Variants in CA10 observed in about 807,000 individuals in gnomAD.
CA10 encodes the protein carbonic anhydrase 10 (inactive).
A neutral mutation model predicts 44.2 loss-of-function variants in CA10; 14 were observed. The ratio of observed to expected loss-of-function variants is 0.32; its 90% CI spans 0.21 to 0.50. The LOEUF is 0.50. CA10 is among the 20% of genes least tolerant of loss of function. The probability of loss-of-function intolerance (pLI) is 0.99; values close to 1 mark genes in which losing one functional copy is unlikely to be tolerated. For missense variants in CA10, 350 were observed against 409.7 expected (o/e 0.85, Z 1.26); for synonymous variants, 159 against 141.6 (o/e 1.12, Z -0.87).
chr17:51,724,992 G>A (rs2143541783), intron 4 of CA10, among the ~76,000 whole-genome samples: 1 of 152,316 alleles, frequency 6.6e-6, no homozygotes, highest in East Asian at 1.9e-4. Flanking sequence ...GTCCTCAACA[G>A]TCACCATATG....
intron 1 of CA10, among the ~76,000 whole-genome samples, chr17:52,088,938 TGTCAATAAAATGCTTTCATCATG>T: frequency 6.6e-6 from 1 of 152,352 alleles, no homozygotes; most frequent in East Asian, 1.9e-4. Context: ...TATACAAATC[TGTCAATAAAATGCTTTCATCATG>T]GTGGCCAGGT....
chr17:51,945,908 A>G (rs906257643), intron 2 of CA10, among the ~76,000 whole-genome samples: 2 of 152,132 alleles, frequency 1.3e-5, no homozygotes, highest in Admixed American at 6.6e-5. Context: ...GAAAGGTGGG[A>G]ATGATGATAG....
intron 1 of CA10, among the ~76,000 whole-genome samples, chr17:52,080,450 T>G (rs1987942285): frequency 7.9e-6 from 1 of 127,376 alleles, no homozygotes; most frequent in South Asian, 2.5e-4. Flanking sequence ...AGACTCCATC[T>G]CAAAAATAAA....
intron 4 of CA10, among the ~76,000 whole-genome samples, chr17:51,717,758 CGTATAT>C (rs1916190028): frequency 5.4e-5 from 1 of 18,444 alleles, no homozygotes; most frequent in African/African-American, 2.0e-4. Flanking sequence ...TGTATATATA[CGTATAT>C]ATGTATACAT....
chr17:51,749,472 G>A (rs537203184), intron 3 of CA10, among the ~76,000 whole-genome samples: 2 of 152,314 alleles, frequency 1.3e-5, no homozygotes, highest in African/African-American at 4.8e-5. Flanking sequence ...CCGTCTAGAC[G>A]GGCTACTCTG....
chr17:51,671,228 C>T (rs989413783), intron 4 of CA10, among the ~76,000 whole-genome samples: 1 of 152,088 alleles, frequency 6.6e-6, no homozygotes, highest in Non-Finnish European at 1.5e-5. Flanking sequence ...ATGCTATCTC[C>T]TTCCCACCTT....
At chr17:52,093,751 G>A (rs1367568766) in intron 1 of CA10, among the ~76,000 whole-genome samples, 1 of 152,118 alleles carries the variant, frequency 6.6e-6, no homozygotes, top group Non-Finnish European at 1.5e-5. Context: ...GCAGTAGAAT[G>A]GAAAAGAGGG....
intron 4 of CA10, among the ~76,000 whole-genome samples, chr17:51,707,740 T>C (rs1440616498): frequency 1.3e-5 from 2 of 149,506 alleles, no homozygotes; most frequent in Non-Finnish European, 3.0e-5. Flanking sequence ...GAAAATGGAA[T>C]CCCTTCTGGA....
chr17:51,654,099 GCAC>G (rs777136639), intron 4 of CA10, among the ~76,000 whole-genome samples: 1 of 152,200 alleles, frequency 6.6e-6, no homozygotes, highest in Non-Finnish European at 1.5e-5. Flanking sequence ...TGTCCCTGCT[GCAC>G]CACCAACAGC....
chr17:52,052,793 C>T (rs572909350), intron 2 of CA10, among the ~76,000 whole-genome samples: 8 of 152,184 alleles, frequency 5.3e-5, no homozygotes, highest in Admixed American at 1.3e-4. Flanking sequence ...AGAGTACAAC[C>T]TATGAAAGCC....
chr17:51,817,797 C>T (rs933355966), intron 3 of CA10, among the ~76,000 whole-genome samples: 1 of 152,086 alleles, frequency 6.6e-6, no homozygotes, highest in Non-Finnish European at 1.5e-5. Context: ...TATGCTCACG[C>T]CCAGTCTACA....
At chr17:52,084,483 T>C (rs1472963581) in intron 1 of CA10, among the ~76,000 whole-genome samples, 2 of 152,204 alleles carry the variant, frequency 1.3e-5, no homozygotes, top group Non-Finnish European at 2.9e-5. Context: ...TTTCATTATA[T>C]AAATAACCAA....
intron 3 of CA10, among the ~76,000 whole-genome samples, chr17:51,769,330 A>G (rs556784334): frequency 3.0e-4 from 46 of 152,200 alleles, no homozygotes; most frequent in Non-Finnish European, 5.3e-4. Flanking sequence ...AACTAGAAAT[A>G]TAATACAAAG....
chr17:51,943,905 G>C (rs1441833803), intron 2 of CA10, among the ~76,000 whole-genome samples: 1 of 152,148 alleles, frequency 6.6e-6, no homozygotes, highest in African/African-American at 2.4e-5. Context: ...AGAAAGTATG[G>C]AACAGAGAAA....
intron 2 of CA10, among the ~76,000 whole-genome samples, chr17:52,047,142 GA>G (rs1379825640): frequency 6.6e-6 from 1 of 151,966 alleles, no homozygotes; most frequent in Admixed American, 6.6e-5. Flanking sequence ...ATAAAGGAAT[GA>G]ACTGCTAATA....
At chr17:52,155,274 A>T (rs1393730) in intron 1 of CA10, among the ~76,000 whole-genome samples, 115,545 of 152,126 alleles carry the variant, frequency 0.76, 44,737 homozygotes, top group African/African-American at 0.92. Flanking sequence ...TGTTTTTAAT[A>T]TTTTTAATTT....
intron 2 of CA10, among the ~76,000 whole-genome samples, chr17:51,936,418 C>T (rs1982867453): frequency 6.6e-6 from 1 of 152,042 alleles, no homozygotes; most frequent in African/African-American, 2.4e-5. Context: ...CAAGGGTGGT[C>T]TCTCTGGAAG....
intron 3 of CA10, among the ~76,000 whole-genome samples, chr17:51,770,423 G>C (rs376114578): frequency 1.3e-5 from 2 of 151,476 alleles, no homozygotes; most frequent in East Asian, 3.9e-4. Flanking sequence ...CCCTAGGCTT[G>C]GAGGGGCACG....
At chr17:52,101,532 C>T (rs567076266) in intron 1 of CA10, among the ~76,000 whole-genome samples, 2 of 152,196 alleles carry the variant, frequency 1.3e-5, no homozygotes, top group Admixed American at 1.3e-4. Context: ...TTGCTAGATC[C>T]TCATACCTTA....
Sources: allele counts gnomAD v4.1 joint callset (sites outside exome capture counted in the v4.1 genomes callset), GRCh38; gene constraint gnomAD v4.1.1; transcripts MANE v1.5; gene names NCBI Gene and HGNC (gene_info 2026-07-23, HGNC 2026-07-21).